DPP6: variants seen among roughly 807,000 people sequenced by gnomAD.
DPP6 encodes dipeptidyl peptidase like 6.
A neutral mutation model predicts 122.6 loss-of-function variants in DPP6; 69 were observed. The observed-to-expected ratio is 0.56, with a 90% confidence interval of 0.46 to 0.69. The LOEUF is 0.69. DPP6 is among the 30% of genes least tolerant of loss of function. DPP6 has a pLI of 0.00. For synonymous variants in DPP6, 418 were observed against 433.1 expected, an observed-to-expected ratio of 0.97 and a Z score of 0.43; for missense variants, 928 against 1,116.9, an observed-to-expected ratio of 0.83 and a Z score of 2.41.
At chr7:154,870,229 G>A (rs1804276743) in intron 18 of DPP6, among the ~76,000 whole-genome samples, 1 of 146,962 alleles carries the variant, frequency 6.8e-6, no homozygotes, top group African/African-American at 2.5e-5. Flanking sequence ...AAGCAATCCT[G>A]CCTCAGTCCC....
chr7:154,768,241 CTGT>C (rs564071553), intron 8 of DPP6, among the ~76,000 whole-genome samples: 147 of 152,376 alleles, frequency 9.6e-4, no homozygotes, highest in African/African-American at 3.3e-3. Context: ...ACCTGGGAGG[CTGT>C]TGATGTGGGC....
At chr7:154,183,845 C>T (rs1238772594) in intron 1 of DPP6, among the ~76,000 whole-genome samples, 1 of 152,214 alleles carries the variant, frequency 6.6e-6, no homozygotes, top group East Asian at 1.9e-4. Context: ...GGGACTGTCA[C>T]AAAAGTGAGT....
intron 1 of DPP6, among the ~76,000 whole-genome samples, chr7:154,280,893 A>T (rs992241566): frequency 6.6e-6 from 1 of 152,194 alleles, no homozygotes; most frequent in Non-Finnish European, 1.5e-5. Flanking sequence ...CCACGTGAGG[A>T]CACTGTGGTA....
rs567558845 is a variant in DPP6 at position 154,606,902 on chromosome 7, C to T, written c.628-30919C>T. ...CTTATAGACTGTACATGGCAGCATT[C>T]ACAGTCCAGAAAAATGTACATAAAT... On this transcript the variant is annotated intron_variant, in intron 5 of 25. Transcript: ENST00000377770. 1.3e-3 allele frequency among the ~76,000 whole-genome samples: 161 copies of T among 121,540 alleles called. 50 individuals carry two copies. The highest frequency in any genetic ancestry group is 5.3e-3 in the South Asian group (16 of 3,022). 79.7% of individuals were successfully genotyped at this position (121,540 alleles called of 152,430 possible).
chr7:154,348,834 T>C (rs1300980363), intron 1 of DPP6, among the ~76,000 whole-genome samples: 1 of 152,210 alleles, frequency 6.6e-6, no homozygotes, highest in Non-Finnish European at 1.5e-5. Flanking sequence ...CACCCTCTTC[T>C]CTGGTAGCCT....
chr7:153,782,857 A>G, the DPP6 span, among the ~76,000 whole-genome samples: 1 of 152,170 alleles, frequency 6.6e-6, no homozygotes, highest in South Asian at 2.1e-4. Flanking sequence ...GTCAAGGTCC[A>G]TAGACATGGA....
intron 5 of DPP6, among the ~76,000 whole-genome samples, chr7:154,630,021 T>C (rs1453609789): frequency 6.6e-6 from 1 of 152,206 alleles, no homozygotes; most frequent in Admixed American, 6.5e-5. Context: ...TTTATTCCTT[T>C]CTTGTGATTT....
At chr7:154,460,594 T>G (rs1274383416) in intron 2 of DPP6, among the ~76,000 whole-genome samples, 1 of 152,234 alleles carries the variant, frequency 6.6e-6, no homozygotes, top group Non-Finnish European at 1.5e-5. Flanking sequence ...CTCTTCCCTT[T>G]AAGTAATATT....
chr7:154,717,616 C>T (rs10276052), intron 7 of DPP6, among the ~76,000 whole-genome samples: 4,602 of 152,236 alleles, frequency 0.03, 256 homozygotes, highest in African/African-American at 0.1. Context: ...TGTATACATG[C>T]ATACCACATT....
intron 3 of DPP6, among the ~76,000 whole-genome samples, chr7:154,521,251 T>C (rs545489216): frequency 1.3e-5 from 2 of 152,312 alleles, no homozygotes; most frequent in South Asian, 4.1e-4. Flanking sequence ...CTGATCTTTA[T>C]TTCACCTTCA....
At chr7:154,620,697 A>C (rs528728093) in intron 5 of DPP6, among the ~76,000 whole-genome samples, 3 of 152,218 alleles carry the variant, frequency 2.0e-5, no homozygotes, top group Non-Finnish European at 4.4e-5. Flanking sequence ...TACGAGCTGT[A>C]ACGACGTCCC....
At chr7:154,492,017 A>G (rs889126544) in intron 3 of DPP6, among the ~76,000 whole-genome samples, 24 of 152,238 alleles carry the variant, frequency 1.6e-4, no homozygotes, top group African/African-American at 5.8e-4. Flanking sequence ...CAATGTAAAC[A>G]GGTAAAGTAG....
intron 10 of DPP6, among the ~76,000 whole-genome samples, chr7:154,783,276 T>G (rs948273143): frequency 1.3e-5 from 2 of 152,190 alleles, no homozygotes; most frequent in Admixed American, 1.3e-4. Context: ...GTGACAACAC[T>G]GCCTGTGATT....
At chr7:154,738,936 GTA>G (rs1842694198) in intron 8 of DPP6, among the ~76,000 whole-genome samples, 1 of 152,180 alleles carries the variant, frequency 6.6e-6, no homozygotes, top group Non-Finnish European at 1.5e-5. Context: ...ACAGCAAAGT[GTA>G]TTTCTCGTCG....
At chr7:154,023,902 C>T (rs1323590433) in intron 1 of DPP6, among the ~76,000 whole-genome samples, 1 of 152,120 alleles carries the variant, frequency 6.6e-6, no homozygotes, top group African/African-American at 2.4e-5. Context: ...GCATCTGTCT[C>T]TGTTAAGAAT....
intron 5 of DPP6, among the ~76,000 whole-genome samples, chr7:154,628,824 A>T (rs1586766030): frequency 6.6e-6 from 1 of 152,296 alleles, no homozygotes; most frequent in East Asian, 1.9e-4. Context: ...GATGGAATTA[A>T]TTACTAAAAC....
At chr7:154,694,359 C>T (rs940394791) in intron 7 of DPP6, among the ~76,000 whole-genome samples, 5 of 152,156 alleles carry the variant, frequency 3.3e-5, no homozygotes, top group African/African-American at 1.2e-4. Context: ...CAACTGTAAT[C>T]CCAGCACTTT....
chr7:154,614,173 G>A (rs2130820119), intron 5 of DPP6, among the ~76,000 whole-genome samples: 1 of 152,232 alleles, frequency 6.6e-6, no homozygotes, highest in East Asian at 1.9e-4. Context: ...CCTGTACACT[G>A]GTCTCCTATT....
chr7:154,771,558 G>T (rs1329366536), intron 9 of DPP6, among the ~76,000 whole-genome samples: 2 of 152,192 alleles, frequency 1.3e-5, no homozygotes, highest in Non-Finnish European at 2.9e-5. Flanking sequence ...GGGGGTTAGG[G>T]CTGCACCGTA....
Sources: allele counts gnomAD v4.1 joint callset (sites outside exome capture counted in the v4.1 genomes callset), GRCh38; gene constraint gnomAD v4.1.1; transcripts MANE v1.5; gene names NCBI Gene and HGNC (gene_info 2026-07-23, HGNC 2026-07-21).